NLRP8: variants seen among roughly 807,000 people sequenced by gnomAD.
NLRP8 encodes NACHT, LRR and PYD domains-containing protein 8.
A neutral mutation model predicts 88.7 loss-of-function variants in NLRP8; 86 were observed. That is an observed-to-expected ratio of 0.97 (90% confidence interval 0.81 to 1.16). The LOEUF is 1.16. Among genes scored for constraint, NLRP8 ranks in the 50% most tolerant of loss-of-function variants. NLRP8 has a pLI of 0.00. For missense variants in NLRP8, 1,342 were observed against 1,286.5 expected (o/e 1.04, Z -0.66); for synonymous variants, 504 against 494.6 (o/e 1.02, Z -0.25).
In NLRP8 at chr19:55,955,731, T is replaced by A; in HGVS notation, c.1673T>A (p.Phe558Tyr). The A allele has an allele frequency of 6.2e-7, 1 of 1,614,112 alleles. No homozygotes were observed. Among genetic ancestry groups the A allele is most frequent in the Non-Finnish European group, 8.5e-7 (1 of 1,179,952 alleles). Reference sequence around the variant, plus strand: ...AGCTATCTCTCTCACATGGGACTTTTCTTATTCGGTTTTCTGAACGAGGCC... The same window carrying A: ...AGCTATCTCTCTCACATGGGACTTTACTTATTCGGTTTTCTGAACGAGGCC... Residue 558 changes from phenylalanine (F) to tyrosine (Y), a missense_variant, in exon 3 of 10, where the codon TTC becomes TAC. Transcript: ENST00000291971.
intron 5 of NLRP8, among the ~76,000 whole-genome samples, chr19:55,968,931 T>C (rs1979958395): frequency 6.6e-6 from 1 of 152,080 alleles, no homozygotes; most frequent in Admixed American, 6.5e-5. Flanking sequence ...TGCACTACTC[T>C]GCACCTCCTC....
intron 3 of NLRP8, among the ~76,000 whole-genome samples, chr19:55,959,139 A>G (rs988525722): frequency 6.6e-6 from 1 of 151,262 alleles, no homozygotes; most frequent in African/African-American, 2.4e-5. Flanking sequence ...CGGCCTCCCA[A>G]AGTGCTGGGA....
At chr19:55,961,972 C>T (rs1979630794) in intron 3 of NLRP8, 95 bp from the exon 4 acceptor site, 7 of 1,285,802 alleles carry the variant, frequency 5.4e-6, no homozygotes, top group African/African-American at 1.5e-5. Context: ...GGCCTATGGC[C>T]CTAACCAGGA....
chr19:55,956,218 T>C lies in NLRP8; in HGVS notation c.2042+118T>C, dbSNP rs1375691119. ...TTCTGATCTCTTTCCTAGCCTAGTT[T>C]GCACAGTACTTCTGTTGCTTTGTTT... On this transcript the variant is annotated intron_variant, in intron 3 of 9. Coordinates refer to ENST00000291971, the MANE Select transcript of NLRP8 (RefSeq NM_176811.2). 3.0e-6 allele frequency: 3 copies of C among 1,013,052 alleles called. No homozygotes were observed. The African/African-American group carries it at 4.8e-5, about 16-fold the overall frequency. The allele number at this position is 1,013,052 out of a possible 1,614,324, so 62.8% of individuals were successfully genotyped here.
At position 55,955,729 on chromosome 19, in the gene NLRP8, T is replaced by A. The variant is rs1364598778; in HGVS notation, c.1671T>A (p.Leu557=). ...AAAGCTATCTCTCTCACATGGGACT[T>A]TTCTTATTCGGTTTTCTGAACGAGG... Residue 557 remains leucine (L), a synonymous_variant, in exon 3 of 10, where the codon CTT becomes CTA. Transcript: ENST00000291971. The A allele has an allele frequency of 6.2e-7, 1 of 1,613,994 alleles. No individual in the cohort carries two copies. Among genetic ancestry groups the A allele is most frequent in the Admixed American group, 1.7e-5 (1 of 60,010 alleles).
At chr19:55,965,792 C>T (rs1463627387) in intron 4 of NLRP8, among the ~76,000 whole-genome samples, 3 of 152,122 alleles carry the variant, frequency 2.0e-5, no homozygotes, top group Admixed American at 1.3e-4. Context: ...TCTCCTAATG[C>T]TATCCCTCCC....
At chr19:55,981,909 GT>G (rs3055418) in intron 9 of NLRP8, among the ~76,000 whole-genome samples, 89,007 of 148,718 alleles carry the variant, frequency 0.6, 26,972 homozygotes, top group East Asian at 0.81. Context: ...CTTGTTTTTT[GT>G]TTTTTTTTTT....
intron 8 of NLRP8, among the ~76,000 whole-genome samples, chr19:55,977,079 C>CA (rs772893637): frequency 1.5e-3 from 140 of 93,132 alleles, no homozygotes; most frequent in Middle Eastern, 0.02. Context: ...GACTCTGTCT[C>CA]AAAAAAAAAA....
chr19:55,960,793 A>G (rs757157431), intron 3 of NLRP8, among the ~76,000 whole-genome samples: 5 of 151,886 alleles, frequency 3.3e-5, no homozygotes, highest in Non-Finnish European at 5.9e-5. Context: ...GGCAATGTCT[A>G]TACATGCCAT....
At chr19:55,982,744 C>A (rs566494608) in intron 9 of NLRP8, among the ~76,000 whole-genome samples, 1 of 152,140 alleles carries the variant, frequency 6.6e-6, no homozygotes, top group African/African-American at 2.4e-5. Context: ...GAGTTAGTGA[C>A]CAGCCTGGGC....
chr19:55,959,158 G>T (rs944365602), intron 3 of NLRP8, among the ~76,000 whole-genome samples: 6 of 151,716 alleles, frequency 4.0e-5, no homozygotes, highest in Non-Finnish European at 8.8e-5. Flanking sequence ...GATTACAGGT[G>T]TGAGCCACCA....
At chr19:55,972,132 T>G (rs1376212264) in intron 6 of NLRP8, among the ~76,000 whole-genome samples, 2 of 118,194 alleles carry the variant, frequency 1.7e-5, no homozygotes, top group African/African-American at 6.6e-5. Context: ...TTTTTTTTTT[T>G]GAGACAGAAT....
intron 1 of NLRP8, among the ~76,000 whole-genome samples, chr19:55,951,499 C>T (rs531316999): frequency 3.9e-5 from 6 of 152,258 alleles, no homozygotes; most frequent in South Asian, 4.1e-4. Context: ...GAGATATACA[C>T]GTGTATGTAC....
intron 3 of NLRP8, among the ~76,000 whole-genome samples, chr19:55,961,691 C>T (rs1420314103): frequency 6.6e-6 from 1 of 152,058 alleles, no homozygotes; most frequent in Non-Finnish European, 1.5e-5. Flanking sequence ...AACCCCAGCT[C>T]CTCAGGCAGA....
At chr19:55,983,355 T>C (rs1057136209) in intron 9 of NLRP8, among the ~76,000 whole-genome samples, 1 of 149,790 alleles carries the variant, frequency 6.7e-6, no homozygotes, top group African/African-American at 2.5e-5. Flanking sequence ...TCACAGGTAC[T>C]TGGGAGGCTG....
Position 55,955,160 on chromosome 19 carries a change from A to C in NLRP8, c.1102A>C (p.Met368Leu). The change falls in exon 3 of 10, where the codon ATG becomes CTG. Residue 368 changes from methionine to leucine, a missense_variant. Coordinates refer to ENST00000291971, the MANE Select transcript of NLRP8 (RefSeq NM_176811.2). ...GATGGAAAAAATCAAGTATTTCCAG[A>C]TGTATTTTGGACACACAGAGGAGGG... 1 of 1,613,982 alleles carries C rather than the reference A, an allele frequency of 6.2e-7. No homozygotes were observed. Among genetic ancestry groups the C allele is most frequent in the Non-Finnish European group, 8.5e-7 (1 of 1,179,868 alleles).
chr19:55,952,647 A>C, intron 2 of NLRP8, 35 bp downstream of exon 2: 1 of 1,571,576 alleles, frequency 6.4e-7, no homozygotes, highest in Non-Finnish European at 8.8e-7. Context: ...CCTGGTGAAA[A>C]AATGGGCTAT....
At chr19:55,959,827 C>T (rs552273539) in intron 3 of NLRP8, among the ~76,000 whole-genome samples, 12 of 152,142 alleles carry the variant, frequency 7.9e-5, no homozygotes, top group South Asian at 2.1e-4. Context: ...CCTCTGAAGA[C>T]GTAAGTGATT....
At chr19:55,952,505 TC>T (rs1376817727) in intron 1 of NLRP8, 32 bp from the exon 2 acceptor site, 1 of 1,576,704 alleles carries the variant, frequency 6.3e-7, no homozygotes. Flanking sequence ...ATCTTATCAT[TC>T]CCGTGGAACA....
Sources: gnomAD v4.1 joint callset for allele counts (sites outside exome capture counted in the v4.1 genomes callset) on GRCh38, gnomAD v4.1.1 for gene constraint, MANE v1.5 for transcripts, NCBI Gene and HGNC (gene_info 2026-07-23, HGNC 2026-07-21) for gene names.